The following KHDRBS3 variants were observed in gnomAD, a reference collection of about 807,000 sequenced individuals.
KHDRBS3 encodes KH domain-containing, RNA-binding, signal transduction-associated protein 3.
A neutral mutation model predicts 45.6 loss-of-function variants in KHDRBS3; 23 were observed. The observed-to-expected ratio is 0.50, with a 90% CI of 0.36 to 0.72. The LOEUF (loss-of-function observed/expected upper bound fraction) is 0.72. KHDRBS3 is among the 30% of genes least tolerant of loss of function. The probability of loss-of-function intolerance (pLI) is 0.00; values close to 1 mark genes in which losing one functional copy is unlikely to be tolerated. For missense variants in KHDRBS3, 352 were observed against 424.8 expected (o/e 0.83, Z 1.51); for synonymous variants, 162 against 156.5 (o/e 1.04, Z -0.26).
intron 5 of KHDRBS3, among the ~76,000 whole-genome samples, chr8:135,564,584 G>A (rs1827313656): frequency 6.6e-6 from 1 of 152,076 alleles, no homozygotes; most frequent in Non-Finnish European, 1.5e-5. Context: ...GAGAAATTTG[G>A]GGAAGCGTCT....
chr8:135,515,079 T>C (rs1182565251), intron 1 of KHDRBS3, among the ~76,000 whole-genome samples: 3 of 152,052 alleles, frequency 2.0e-5, no homozygotes, highest in Non-Finnish European at 4.4e-5. Context: ...TAAAGATTCC[T>C]TGTGGGGCTG....
chr8:135,509,973 C>T (rs894696193), intron 1 of KHDRBS3, among the ~76,000 whole-genome samples: 8,199 of 140,910 alleles, frequency 0.058, 380 homozygotes, highest in African/African-American at 0.14. Context: ...TTTCCCCCCC[C>T]CTTTTTTTTT....
chr8:135,655,232 C>T (rs563569660), intron 4 of KHDRBS3, among the ~76,000 whole-genome samples: 2 of 152,188 alleles, frequency 1.3e-5, no homozygotes, highest in Non-Finnish European at 2.9e-5. Context: ...CCTAGCAGTA[C>T]TGATGCTTTA....
chr8:135,541,684 A>G (rs928576921), intron 2 of KHDRBS3: 1 of 152,202 alleles, frequency 6.6e-6, no homozygotes, highest in Non-Finnish European at 1.5e-5. Flanking sequence ...GCATCTTGCC[A>G]AGGCGAACAG....
intron 1 of KHDRBS3, among the ~76,000 whole-genome samples, chr8:135,496,764 G>T (rs1046116642): frequency 5.3e-5 from 8 of 152,224 alleles, no homozygotes; most frequent in African/African-American, 1.9e-4. Context: ...CAGACACTCA[G>T]CATGGCTCAT....
chr8:135,503,527 C>A (rs1563726985), intron 1 of KHDRBS3, among the ~76,000 whole-genome samples: 1 of 152,002 alleles, frequency 6.6e-6, no homozygotes, highest in Non-Finnish European at 1.5e-5. Flanking sequence ...AATGGTCACA[C>A]TGACACAGGA....
In KHDRBS3 at chr8:135,536,908, C is replaced by T. The variant is rs565225338; in HGVS notation, c.208-5746C>T. On this transcript the variant is annotated intron_variant, in intron 2 of 8. Transcript: ENST00000355849. ...CCGGGAAGCGGAGCTTGCAGTGAGC[C>T]GAGATTGCGCCACTGCAGTCCGCAG... Among the ~76,000 whole-genome samples, 4 of 131,682 alleles carry T rather than the reference C, an allele frequency of 3.0e-5. No individual in the cohort carries two copies. The Admixed American group carries it at 3.6e-4, about 12-fold the overall frequency. 86.4% of individuals were successfully genotyped at this position (131,682 alleles called of 152,430 possible).
intron 5 of KHDRBS3, among the ~76,000 whole-genome samples, chr8:135,563,444 G>A (rs980900583): frequency 6.6e-6 from 1 of 152,186 alleles, no homozygotes; most frequent in Non-Finnish European, 1.5e-5. Context: ...AGTGTGAAGG[G>A]TCCTTCCTCT....
At chr8:135,494,265 T>C (rs1471053265) in intron 1 of KHDRBS3, among the ~76,000 whole-genome samples, 1 of 141,112 alleles carries the variant, frequency 7.1e-6, no homozygotes, top group Non-Finnish European at 1.5e-5. Context: ...TCCTCTTCTG[T>C]TTCTCTTATT....
intron 2 of KHDRBS3, among the ~76,000 whole-genome samples, chr8:135,527,979 G>A (rs1359742593): frequency 6.6e-6 from 1 of 152,112 alleles, no homozygotes; most frequent in Non-Finnish European, 1.5e-5. Flanking sequence ...TGTGCCTGAG[G>A]TTTTTACTCA....
intron 4 of KHDRBS3, among the ~76,000 whole-genome samples, chr8:135,653,757 T>G (rs368276314): frequency 6.6e-6 from 1 of 152,242 alleles, no homozygotes; most frequent in African/African-American, 2.4e-5. Flanking sequence ...TTGCATACAT[T>G]TCCAACTTAA....
chr8:135,471,525 A>C (rs1224719227), intron 1 of KHDRBS3, among the ~76,000 whole-genome samples: 1 of 152,174 alleles, frequency 6.6e-6, no homozygotes, highest in Non-Finnish European at 1.5e-5. Flanking sequence ...GCCAAATTAA[A>C]AGACATTTAT....
intron 6 of KHDRBS3, among the ~76,000 whole-genome samples, chr8:135,598,146 CA>C (rs2130990513): frequency 6.6e-6 from 1 of 152,276 alleles, no homozygotes; most frequent in African/African-American, 2.4e-5. Context: ...GAAATGTAGA[CA>C]TCACATTTTA....
At chr8:135,618,337 A>T (rs571664809) in intron 7 of KHDRBS3, among the ~76,000 whole-genome samples, 8 of 152,192 alleles carry the variant, frequency 5.3e-5, no homozygotes, top group Non-Finnish European at 1.2e-4. Context: ...AACCTGTTGG[A>T]TAGATAGTAA....
At chr8:135,514,347 G>A (rs1212477404) in intron 1 of KHDRBS3, among the ~76,000 whole-genome samples, 2 of 152,338 alleles carry the variant, frequency 1.3e-5, no homozygotes, top group East Asian at 3.9e-4. Flanking sequence ...TAAACAAAAT[G>A]TGTTATATAG....
At chr8:135,528,899 C>T (rs1825327755) in intron 2 of KHDRBS3, among the ~76,000 whole-genome samples, 1 of 152,132 alleles carries the variant, frequency 6.6e-6, no homozygotes, top group African/African-American at 2.4e-5. Context: ...CCAAAAGGCC[C>T]CACCTCTTAA....
chr8:135,480,436 C>T (rs556213569), intron 1 of KHDRBS3, among the ~76,000 whole-genome samples: 64 of 152,228 alleles, frequency 4.2e-4, no homozygotes, highest in African/African-American at 1.5e-3. Context: ...TTCTCCTTCC[C>T]CCTCCCCTTT....
At chr8:135,499,974 A>G (rs1257431791) in intron 1 of KHDRBS3, among the ~76,000 whole-genome samples, 4 of 152,218 alleles carry the variant, frequency 2.6e-5, no homozygotes, top group Non-Finnish European at 5.9e-5. Flanking sequence ...TAACAGTTAC[A>G]GTTTACAGTT....
At chr8:135,492,563 G>A (rs1468574930) in intron 1 of KHDRBS3, among the ~76,000 whole-genome samples, 1 of 149,410 alleles carries the variant, frequency 6.7e-6, no homozygotes, top group African/African-American at 2.5e-5. Context: ...TTAAATGAAT[G>A]TATTTTCTCC....
Sources: allele counts gnomAD v4.1 joint callset (sites outside exome capture counted in the v4.1 genomes callset), GRCh38; gene constraint gnomAD v4.1.1; transcripts MANE v1.5; gene names NCBI Gene and HGNC (gene_info 2026-07-23, HGNC 2026-07-21).